ESR1: variants seen among roughly 807,000 people sequenced by gnomAD.
The protein encoded by ESR1 is estrogen receptor 1, also known as estrogen receptor.
A neutral mutation model predicts 52.7 loss-of-function variants in ESR1; 12 were observed. That is an observed-to-expected ratio of 0.23 (90% CI 0.15 to 0.37). The LOEUF is 0.37. Among genes scored for constraint, ESR1 ranks in the 10% least tolerant of loss-of-function variants. The pLI, the probability that ESR1 is intolerant of heterozygous loss-of-function variation, is 1.00. For synonymous variants in ESR1, 305 were observed against 316.8 expected, an observed-to-expected ratio of 0.96 and a Z score of 0.39; for missense variants, 584 against 779.7, an observed-to-expected ratio of 0.75 and a Z score of 2.99.
chr6:151,740,690 A>T (rs1339322741), intron 2 of ESR1, among the ~76,000 whole-genome samples: 1 of 151,844 alleles, frequency 6.6e-6, no homozygotes, highest in East Asian at 1.9e-4. Context: ...TGTTTCTGGC[A>T]TGTGTGTGTC....
At chr6:151,926,368 A>G (rs1453991693) in intron 3 of ESR1, among the ~76,000 whole-genome samples, 1 of 152,164 alleles carries the variant, frequency 6.6e-6, no homozygotes, top group Non-Finnish European at 1.5e-5. Context: ...AATTGTCAAT[A>G]TCTACAAAAT....
rs114818365 is a variant in ESR1, at chr6:151,867,285, A to G, written c.644-13370A>G. ...CAAATGGGATCTAATTAAACTAAAG[A>G]ACAACTGCACAGCAAAAGAAACTAT... On this transcript the variant is annotated intron_variant, in intron 2 of 7. Coordinates refer to ENST00000206249, the MANE Select transcript of ESR1 (RefSeq NM_000125.4). Among the ~76,000 whole-genome samples the G allele has an allele frequency of 9.7e-3, 1,476 of 152,278 alleles. 30 individuals are homozygous for G. Among genetic ancestry groups the G allele is most frequent in the African/African-American group, 0.034 (1,428 of 41,536 alleles).
At chr6:152,080,147 A>G (rs2049070377) in intron 6 of ESR1, among the ~76,000 whole-genome samples, 2 of 152,206 alleles carry the variant, frequency 1.3e-5, no homozygotes, top group African/African-American at 2.4e-5. Flanking sequence ...AGAGAACACT[A>G]CAAAGATACT....
At chr6:151,702,125 G>A (rs1779840580) in intron 2 of ESR1, 1 of 152,106 alleles carries the variant, frequency 6.6e-6, no homozygotes, top group Admixed American at 6.5e-5. Context: ...TCATTATCAA[G>A]TGTGTATTGT....
At chr6:151,991,860 C>T (rs140707224) in intron 4 of ESR1, among the ~76,000 whole-genome samples, 33 of 152,254 alleles carry the variant, frequency 2.2e-4, no homozygotes, top group Non-Finnish European at 3.5e-4. Context: ...GGAGTGCCTT[C>T]TCAGGGGATC....
At chr6:151,852,002 A>G (rs1786838914) in intron 2 of ESR1, among the ~76,000 whole-genome samples, 1 of 152,218 alleles carries the variant, frequency 6.6e-6, no homozygotes, top group African/African-American at 2.4e-5. Context: ...AGAATAAAGG[A>G]TATTATAATG....
intron 4 of ESR1, among the ~76,000 whole-genome samples, chr6:151,991,531 C>T (rs891931735): frequency 5.9e-5 from 9 of 151,798 alleles, no homozygotes; most frequent in Non-Finnish European, 7.4e-5. Flanking sequence ...AGGAACAAAA[C>T]GATGGCAGAG....
chr6:152,022,770 G>A (rs1186137197), intron 5 of ESR1, among the ~76,000 whole-genome samples: 1 of 151,876 alleles, frequency 6.6e-6, no homozygotes, highest in Non-Finnish European at 1.5e-5. Context: ...TTGGGAGTTC[G>A]AGACCAACCT....
intron 1 of ESR1, among the ~76,000 whole-genome samples, chr6:151,819,737 T>C (rs1780257364): frequency 6.6e-6 from 1 of 152,140 alleles, no homozygotes; most frequent in South Asian, 2.1e-4. Flanking sequence ...AAGTGCGCAA[T>C]AAATGTGATG....
chr6:151,845,689 G>C (rs1475860791), intron 2 of ESR1, among the ~76,000 whole-genome samples: 1 of 152,132 alleles, frequency 6.6e-6, no homozygotes, highest in African/African-American at 2.4e-5. Context: ...ATTCCACTTG[G>C]TTTCAGAAAC....
rs747405346 is a variant in ESR1 at position 152,122,468 on chromosome 6, G to A, written c.851-2798G>A. ...GGAGGAGGGCCATTCGTGTATCTGA[G>A]CATGGGGTGGAATGACCGGGCAAAG... On this transcript the variant is annotated intron_variant, in intron 6 of 6. Coordinates refer to the ESR1 transcript ENST00000427531. 11 of 1,614,062 alleles carry A rather than the reference G, an allele frequency of 6.8e-6. No homozygotes were observed. In the Admixed American group the frequency reaches 1.7e-4, roughly 24 times the overall value.
At chr6:152,057,988 A>G (rs1287479729) in intron 5 of ESR1, among the ~76,000 whole-genome samples, 8 of 152,190 alleles carry the variant, frequency 5.3e-5, no homozygotes, top group East Asian at 1.9e-4. Context: ...CCACTTTCTC[A>G]GTTTCTGAAC....
intron 3 of ESR1, among the ~76,000 whole-genome samples, chr6:151,899,180 T>C (rs1315680221): frequency 7.3e-6 from 1 of 136,460 alleles, no homozygotes; most frequent in Non-Finnish European, 1.6e-5. Context: ...GAGGGGCTCC[T>C]CACTTCCCAG....
chr6:151,703,210 C>A (rs1779929038), intron 2 of ESR1, among the ~76,000 whole-genome samples: 1 of 152,152 alleles, frequency 6.6e-6, no homozygotes. Context: ...TACCCTACTG[C>A]ATAAGAAATG....
At chr6:152,024,929 A>T (rs1167526682) in intron 5 of ESR1, among the ~76,000 whole-genome samples, 3 of 151,302 alleles carry the variant, frequency 2.0e-5, no homozygotes, top group African/African-American at 7.3e-5. Flanking sequence ...GTCTGCAAAT[A>T]GAGATTGTTA....
At chr6:151,694,242 C>T (rs769090600) in intron 1 of ESR1, among the ~76,000 whole-genome samples, 6 of 152,132 alleles carry the variant, frequency 3.9e-5, no homozygotes, top group Non-Finnish European at 7.3e-5. Flanking sequence ...AATTCCAAAG[C>T]TCATGCTTTT....
At chr6:152,044,398 C>T (rs1236149879) in intron 5 of ESR1, among the ~76,000 whole-genome samples, 1 of 152,170 alleles carries the variant, frequency 6.6e-6, no homozygotes, top group Non-Finnish European at 1.5e-5. Flanking sequence ...CTGTATTAGT[C>T]AGGATTCGCT....
chr6:151,672,069 G>A (rs990069732), intron 1 of ESR1, among the ~76,000 whole-genome samples: 29 of 152,218 alleles, frequency 1.9e-4, no homozygotes, highest in African/African-American at 6.7e-4. Context: ...CTGGGCTCAA[G>A]CGGTCCTCCC....
intron 2 of ESR1, among the ~76,000 whole-genome samples, chr6:151,880,089 A>G (rs780192206): frequency 4.6e-5 from 7 of 151,970 alleles, no homozygotes; most frequent in African/African-American, 7.2e-5. Flanking sequence ...GCTACAAAAT[A>G]TAGACTGTGT....
Sources: gnomAD v4.1 joint callset for allele counts (sites outside exome capture counted in the v4.1 genomes callset) on GRCh38, gnomAD v4.1.1 for gene constraint, MANE v1.5 for transcripts, NCBI Gene and HGNC (gene_info 2026-07-23, HGNC 2026-07-21) for gene names.